The following CDC34 variants were observed in gnomAD, a reference collection of about 807,000 sequenced individuals.
CDC34 encodes cell division cycle 34, ubiquitin conjugating enzyme, also known as ubiquitin-conjugating enzyme E2 R1.
A neutral mutation model predicts 26.8 loss-of-function variants in CDC34; 18 were observed. That is an observed-to-expected ratio of 0.67 (90% CI 0.47 to 1.00). The LOEUF (loss-of-function observed/expected upper bound fraction) is 1.00. CDC34 is among the 50% of genes least tolerant of loss of function. The pLI is 0.00. For missense variants in CDC34, 280 were observed against 334.5 expected, an observed-to-expected ratio of 0.84 and a Z score of 1.27; for synonymous variants, 178 against 147.5, an observed-to-expected ratio of 1.21 and a Z score of -1.50.
In CDC34 at chr19:541,633, G is replaced by A. The variant is rs949379300; in HGVS notation, c.*81G>A. On this transcript the variant is annotated 3_prime_UTR_variant, in exon 5 of 5. Transcript: ENST00000215574. ...TTAGACGACAGACTACCTCACGGAGGTTTTGTGCTGGTCCCCGTCTCCTCT... is the reference window on the plus strand; with the variant it reads ...TTAGACGACAGACTACCTCACGGAGATTTTGTGCTGGTCCCCGTCTCCTCT... 2 of 1,426,220 alleles carry A rather than the reference G, an allele frequency of 1.4e-6. No homozygotes were observed. The highest frequency in any genetic ancestry group is 2.9e-5 in the African/African-American group (2 of 69,660). The allele number at this position is 1,426,220 out of a possible 1,614,324, so 88.3% of individuals were successfully genotyped here. A position where few individuals can be genotyped will look rare whatever the true frequency, so the allele number is the denominator to read the frequency against.
rs996513553 is a variant in CDC34 at position 542,010 on chromosome 19, G to C, written c.*458G>C. The C allele has an allele frequency of 3.2e-5, 5 of 155,138 alleles. No individual in the cohort carries two copies. The highest frequency in any genetic ancestry group is 1.9e-4 in the Admixed American group (3 of 15,580). The allele number at this position is 155,138 out of a possible 1,614,324, so 9.6% of individuals were successfully genotyped here. ...AGGTCCTGGAGCCACGTCCAGCACA[G>C]AGTGGACGGATTCACCGTGGCCGAC... On this transcript the variant is annotated 3_prime_UTR_variant, in exon 5 of 5. Coordinates refer to ENST00000215574, the MANE Select transcript of CDC34 (RefSeq NM_004359.2).
At chr19:533,975 G>A (rs1347019957) in intron 1 of CDC34, among the ~76,000 whole-genome samples, 3 of 152,206 alleles carry the variant, frequency 2.0e-5, no homozygotes, top group South Asian at 2.1e-4. Context: ...GGCAGGGGCC[G>A]CCAGAGAGAG....
chr19:532,146 C>G (rs374242233), intron 1 of CDC34, 38 bp downstream of exon 1: 265 of 1,448,916 alleles, frequency 1.8e-4, no homozygotes, highest in Non-Finnish European at 2.2e-4. Flanking sequence ...CCGGAGCCCA[C>G]GAGCGACCTC....
At chr19:540,751 G>C (rs1979969990) in intron 4 of CDC34, among the ~76,000 whole-genome samples, 1 of 75,096 alleles carries the variant, frequency 1.3e-5, no homozygotes, top group Non-Finnish European at 3.1e-5. Flanking sequence ...CCGGAGGCTG[G>C]GATGGCCAGG....
At chr19:533,187 CCT>C (rs1292759451) in intron 1 of CDC34, among the ~76,000 whole-genome samples, 2 of 152,094 alleles carry the variant, frequency 1.3e-5, no homozygotes, top group Non-Finnish European at 1.5e-5. Context: ...AGCGAGGGGC[CCT>C]GTGTGAGCGG....
Position 539,750 on chromosome 19 carries a change from G to A in CDC34, c.498-1589G>A, listed in dbSNP as rs1256812538. On this transcript the variant is annotated intron_variant, in intron 4 of 4. Transcript: ENST00000215574. ...GTTTTCTGTCAAATGGGGTCAGCGT[G>A]CCGCCTGGCCCTGCTGTGCCACCCC... Among the ~76,000 whole-genome samples the A allele has an allele frequency of 2.0e-5, 3 of 152,202 alleles. No individual in the cohort carries two copies. The East Asian group carries it at 5.8e-4, about 29-fold the overall frequency.
chr19:538,175 T>C (rs1979849059), intron 4 of CDC34, among the ~76,000 whole-genome samples: 1 of 152,244 alleles, frequency 6.6e-6, no homozygotes, highest in African/African-American at 2.4e-5. Flanking sequence ...GGGGTCGTGC[T>C]GTGTGTGCCC....
At chr19:532,438 C>T (rs1979537670) in intron 1 of CDC34, among the ~76,000 whole-genome samples, 1 of 152,216 alleles carries the variant, frequency 6.6e-6, no homozygotes, top group Admixed American at 6.5e-5. Context: ...GGCTCTTGCC[C>T]ACCTCCTCCT....
intron 1 of CDC34, among the ~76,000 whole-genome samples, chr19:532,795 G>A (rs1457619143): frequency 1.3e-5 from 2 of 152,194 alleles, no homozygotes; most frequent in East Asian, 3.9e-4. Context: ...CCTCGGGAAG[G>A]CCGAAGTAGG....
intron 4 of CDC34, among the ~76,000 whole-genome samples, chr19:537,499 C>T (rs1441237609): frequency 6.6e-6 from 1 of 152,066 alleles, no homozygotes; most frequent in Admixed American, 6.5e-5. Flanking sequence ...ACTACAGGCG[C>T]CCGTCACCAC....
At position 541,522 on chromosome 19, in the gene CDC34, T is replaced by C. The variant is rs1980016595; in HGVS notation, c.681T>C (p.Asp227=). 2 of 1,605,926 alleles carry C rather than the reference T, an allele frequency of 1.2e-6. No individual in the cohort carries two copies. Among genetic ancestry groups the C allele is most frequent in the Non-Finnish European group, 1.7e-6 (2 of 1,175,320 alleles). Residue 227 remains aspartate, a synonymous_variant, in exon 5 of 5, where the codon GAT becomes GAC. Coordinates refer to ENST00000215574, the MANE Select transcript of CDC34 (RefSeq NM_004359.2). ...AGGCCGACAGCTGCTTCGGGGACGA[T>C]GAGGATGACTCTGGCACGGAGGAGT... ...EEEADSCFGD[D]EDDSGTEES
In CDC34 at chr19:531,872, GA is replaced by G. The variant is rs928124286; in HGVS notation, c.-58del. ...CGGTGCGCGGCCCGGCCCGTCTCGCGAACTCGCGGTGGTCGCGCGGCCCCGC... is the reference window on the plus strand; with the variant it reads ...CGGTGCGCGGCCCGGCCCGTCTCGCGACTCGCGGTGGTCGCGCGGCCCCGC... On this transcript the variant is annotated 5_prime_UTR_variant, in exon 1 of 5. Coordinates refer to ENST00000215574, the MANE Select transcript of CDC34 (RefSeq NM_004359.2). The G allele has an allele frequency of 8.7e-5, 101 of 1,157,354 alleles. No individual in the cohort carries two copies. The highest frequency in any genetic ancestry group is 9.0e-5 in the Admixed American group (2 of 22,108). The allele number at this position is 1,157,354 out of a possible 1,614,324, so 71.7% of individuals were successfully genotyped here. A position where few individuals can be genotyped will look rare whatever the true frequency, so the allele number is the denominator to read the frequency against.
intron 2 of CDC34, 48 bp from the exon 3 acceptor site, chr19:536,195 G>T: frequency 1.4e-6 from 2 of 1,444,422 alleles, no homozygotes; most frequent in African/African-American, 2.8e-5. Context: ...GGCACTGGGA[G>T]CCCGTGCTGA....
In CDC34 at chr19:532,981, C is replaced by T. The variant is rs572889436; in HGVS notation, c.177+873C>T. 3.1e-4 allele frequency among the ~76,000 whole-genome samples: 47 copies of T among 152,316 alleles called. No homozygotes were observed. The South Asian group carries it at 9.3e-3, about 30-fold the overall frequency. On this transcript the variant is annotated intron_variant, in intron 1 of 4. Coordinates refer to ENST00000215574, the MANE Select transcript of CDC34 (RefSeq NM_004359.2). ...CCAAACCCCGAGTTCTGGGCCGTTT[C>T]TTCTGCCCTCTGGCGGTTTAATTCC...
At chr19:536,393 C>T (rs1455557348) in intron 3 of CDC34, 53 bp downstream of exon 3, 2 of 1,367,072 alleles carry the variant, frequency 1.5e-6, no homozygotes, top group South Asian at 1.2e-5. Flanking sequence ...AGGCCGGGCT[C>T]CGTCCCGTAT....
At position 537,133 on chromosome 19, in the gene CDC34, C is replaced by T; in HGVS notation, c.483C>T (p.Tyr161=). 6.2e-7 allele frequency: 1 copy of T among 1,613,474 alleles called. No homozygotes were observed. The change falls in exon 4 of 5, where the codon TAC becomes TAT. Residue 161 remains tyrosine (Y), a synonymous_variant. Transcript: ENST00000215574. ...AGAGCAAGGGGAAGGATCGGGAGTA[C>T]ACAGACATCATCCGGTGAGGGCGGG... ...WKESKGKDRE[Y]TDIIRKQVLG... is the part of the protein sequence containing the mutation.
intron 2 of CDC34, 140 bp from the exon 3 acceptor site, chr19:536,103 C>G (rs1170003022): frequency 1.7e-5 from 13 of 768,980 alleles, no homozygotes; most frequent in Non-Finnish European, 2.7e-5. Context: ...CGCTGGGAGC[C>G]TCATGTCCTC....
In CDC34 at chr19:531,764, C is replaced by T. The variant is rs969477965; in HGVS notation, c.-168C>T. The T allele has an allele frequency of 2.7e-5, 5 of 182,846 alleles. No homozygotes were observed. In the South Asian group the frequency reaches 6.4e-4, roughly 24 times the overall value. The allele number at this position is 182,846 out of a possible 1,614,324, so 11.3% of individuals were successfully genotyped here. On this transcript the variant is annotated 5_prime_UTR_variant, in exon 1 of 5. Transcript: ENST00000215574. ...CGCCGGTGGGGCGGCGGCGCCAGAGCTGCTGGAGCGCTCGGGGTCCCCGGG... is the reference window on the plus strand; with the variant it reads ...CGCCGGTGGGGCGGCGGCGCCAGAGTTGCTGGAGCGCTCGGGGTCCCCGGG...
chr19:541,603 G>C lies in CDC34; in HGVS notation c.*51G>C. 1 of 1,508,840 alleles carries C rather than the reference G, an allele frequency of 6.6e-7. No individual in the cohort carries two copies. Among genetic ancestry groups the C allele is most frequent in the Non-Finnish European group, 8.9e-7 (1 of 1,126,716 alleles). 93.5% of individuals were successfully genotyped at this position (1,508,840 alleles called of 1,614,324 possible). A position where few individuals can be genotyped will look rare whatever the true frequency, so the allele number is the denominator to read the frequency against. On this transcript the variant is annotated 3_prime_UTR_variant, in exon 5 of 5. Coordinates refer to ENST00000215574, the MANE Select transcript of CDC34 (RefSeq NM_004359.2). ...TTACCTCACTAGGGCCGGACCCGTG[G>C]CTCCTTAGACGACAGACTACCTCAC...
Sources: allele counts gnomAD v4.1 joint callset (sites outside exome capture counted in the v4.1 genomes callset), GRCh38; gene constraint gnomAD v4.1.1; transcripts MANE v1.5; gene names NCBI Gene and HGNC (gene_info 2026-07-23, HGNC 2026-07-21).